Variants in AP1G1 observed in about 807,000 individuals in gnomAD.
AP1G1 encodes adaptor related protein complex 1 subunit gamma 1.
In AP1G1, 7 loss-of-function variants were observed where a neutral mutation model predicts 108.3. The observed-to-expected ratio is 0.06, with a 90% CI of 0.04 to 0.12. The LOEUF (loss-of-function observed/expected upper bound fraction) is 0.12, where lower values mean the gene tolerates loss of function less well. AP1G1 is among the 10% of genes least tolerant of loss of function. The pLI, the probability that AP1G1 is intolerant of heterozygous loss-of-function variation, is 1.00. For missense variants in AP1G1, 756 were observed against 1,010.7 expected (o/e 0.75, Z 3.42); for synonymous variants, 379 against 353.5 (o/e 1.07, Z -0.81).
intron 19 of AP1G1, among the ~76,000 whole-genome samples, chr16:71,744,310 A>T (rs1350487391): frequency 3.3e-5 from 5 of 152,204 alleles, no homozygotes; most frequent in Admixed American, 6.5e-5. Flanking sequence ...ATTACAAATG[A>T]CTGGTATATA....
rs753121711 is a variant in AP1G1 at position 71,750,247 on chromosome 16, T to A, written c.1370A>T (p.Gln457Leu). 6.2e-7 allele frequency: 1 copy of A among 1,614,112 alleles called. No homozygotes were observed. Among genetic ancestry groups the A allele is most frequent in the Non-Finnish European group, 8.5e-7 (1 of 1,179,996 alleles). The stretch of plus-strand genomic sequence containing the variant: ...ACCAAGAATTGCTTTGTACAGGCGC[T>A]GGACAGTATAGGCATGCATCTCCAC... ...NSVEMHAYTV[Q>L]RLYKAILGDY... Residue 457 changes from glutamine to leucine, a missense_variant, in exon 14 of 23, where the codon CAG becomes CTG. Transcript: ENST00000299980.
chr16:71,773,741 G>C (rs775004989), intron 3 of AP1G1, among the ~76,000 whole-genome samples: 1 of 152,010 alleles, frequency 6.6e-6, no homozygotes, highest in African/African-American at 2.4e-5. Flanking sequence ...TCAAGAGTTC[G>C]AGACCAGCCT....
At chr16:71,781,354 A>T (rs2032008769) in intron 2 of AP1G1, among the ~76,000 whole-genome samples, 1 of 152,166 alleles carries the variant, frequency 6.6e-6, no homozygotes, top group Non-Finnish European at 1.5e-5. Flanking sequence ...GAAATATTCC[A>T]CTCAAAATAC....
At chr16:71,768,978 CAAAAAAAA>C (rs59451625) in intron 6 of AP1G1, among the ~76,000 whole-genome samples, 1 of 65,018 alleles carries the variant, frequency 1.5e-5, no homozygotes, top group South Asian at 7.5e-4. Flanking sequence ...AAAAAAAATA[CAAAAAAAA>C]AAAAAAAAAA....
chr16:71,778,697 A>G (rs942087814), intron 2 of AP1G1, among the ~76,000 whole-genome samples: 1 of 146,298 alleles, frequency 6.8e-6, no homozygotes, highest in African/African-American at 2.5e-5. Context: ...AAAAAAAAAG[A>G]AAGAAAGAAA....
chr16:71,770,893 TATTAAC>T (rs202166138), intron 5 of AP1G1, among the ~76,000 whole-genome samples: 75 of 152,346 alleles, frequency 4.9e-4, no homozygotes, highest in African/African-American at 1.7e-3. Context: ...TTACACTAAA[TATTAAC>T]AACTTAATAT....
At chr16:71,785,334 T>C (rs1418451920) in intron 2 of AP1G1, among the ~76,000 whole-genome samples, 3 of 152,046 alleles carry the variant, frequency 2.0e-5, no homozygotes, top group Admixed American at 2.0e-4. Context: ...TCCAGCACTT[T>C]GGGAGGCCAA....
At chr16:71,781,618 C>T (rs916578910) in intron 2 of AP1G1, among the ~76,000 whole-genome samples, 7 of 152,096 alleles carry the variant, frequency 4.6e-5, no homozygotes, top group African/African-American at 1.7e-4. Flanking sequence ...ACTGTATTCC[C>T]GCTCTTTTCA....
intron 5 of AP1G1, among the ~76,000 whole-genome samples, chr16:71,770,448 C>A (rs1432197811): frequency 1.3e-5 from 2 of 152,218 alleles, no homozygotes; most frequent in African/African-American, 4.8e-5. Flanking sequence ...GTACCTAATA[C>A]AAGCTTCTGT....
rs563945944 is a variant in AP1G1, at chr16:71,779,822, C to T, written c.202-5230G>A. On this transcript the variant is annotated intron_variant, in intron 2 of 22. Coordinates refer to ENST00000299980, the MANE Select transcript of AP1G1 (RefSeq NM_001128.6). ...ATTTTGTTAGCTTTTAGAACAGTTT[C>T]GCACACGGTCAGATGCACATCTAAA... 6.1e-4 allele frequency among the ~76,000 whole-genome samples: 93 copies of T among 152,088 alleles called. 1 individual carries two copies. The highest frequency in any genetic ancestry group is 1.1e-3 in the Non-Finnish European group (74 of 68,006).
rs1375660339 is a variant in AP1G1, at chr16:71,764,443, G to C, written c.825C>G (p.Ala275=). The change falls in exon 9 of 23, where the codon GCC becomes GCG. Residue 275 remains alanine (A), a synonymous_variant. Transcript: ENST00000299980. ...CATTTTTACTAGTCTCAGTATTAGT[G>C]GCAACCTGAAAAGACATATCGAGGG... ...EAMNDILAQV[A]TNTETSKNVG... is the part of the protein sequence containing the mutation. The C allele has an allele frequency of 9.4e-6, 15 of 1,599,750 alleles. No homozygotes were observed. The highest frequency in any genetic ancestry group is 1.1e-5 in the Non-Finnish European group (13 of 1,169,952).
intron 1 of AP1G1, chr16:71,808,196 C>A (rs201412556): frequency 2.1e-5 from 21 of 1,007,386 alleles, no homozygotes; most frequent in African/African-American, 2.8e-5. Flanking sequence ...TTGAAAAAAA[C>A]AAAACAACAA....
chr16:71,739,435 G>C, intron 19 of AP1G1, 94 bp from the exon 20 acceptor site: 1 of 983,640 alleles, frequency 1.0e-6, no homozygotes, highest in Non-Finnish European at 1.5e-6. Context: ...CTCAGGTTAA[G>C]GAAAGATTCC....
intron 1 of AP1G1, among the ~76,000 whole-genome samples, chr16:71,790,178 T>C (rs1202264808): frequency 2.7e-5 from 4 of 149,782 alleles, no homozygotes; most frequent in Non-Finnish European, 5.9e-5. Flanking sequence ...GAACGTGCAC[T>C]ACCTAATTTC....
chr16:71,746,775 T>C, intron 16 of AP1G1, 83 bp from the exon 17 acceptor site: 2 of 1,032,274 alleles, frequency 1.9e-6, no homozygotes, highest in Non-Finnish European at 2.9e-6. Context: ...AAGCCAGAAT[T>C]TTCTGGTTAA....
chr16:71,804,099 T>C (rs1347075921), intron 1 of AP1G1, among the ~76,000 whole-genome samples: 1 of 151,744 alleles, frequency 6.6e-6, no homozygotes, highest in Non-Finnish European at 1.5e-5. Context: ...CAGGCTGGAG[T>C]GCAGTGGCGT....
chr16:71,758,061 C>T (rs1292842278), intron 11 of AP1G1, among the ~76,000 whole-genome samples: 8 of 152,194 alleles, frequency 5.3e-5, no homozygotes, highest in Non-Finnish European at 1.2e-4. Context: ...CTTTAGATTG[C>T]TCAAGCACTT....
At chr16:71,787,927 A>G (rs961930514) in intron 2 of AP1G1, among the ~76,000 whole-genome samples, 2 of 152,204 alleles carry the variant, frequency 1.3e-5, no homozygotes, top group African/African-American at 2.4e-5. Flanking sequence ...AACCAAATAT[A>G]TGACTATATT....
chr16:71,762,527 T>C (rs972967362), intron 9 of AP1G1, among the ~76,000 whole-genome samples: 5 of 152,120 alleles, frequency 3.3e-5, no homozygotes, highest in African/African-American at 1.2e-4. Flanking sequence ...GGAGAGATGC[T>C]GAAGGTTAAG....
Sources: allele counts gnomAD v4.1 joint callset (sites outside exome capture counted in the v4.1 genomes callset), GRCh38; gene constraint gnomAD v4.1.1; transcripts MANE v1.5; gene names NCBI Gene and HGNC (gene_info 2026-07-23, HGNC 2026-07-21).